Variants in RC3H2 observed in about 807,000 individuals in gnomAD.
The protein encoded by RC3H2 is roquin-2.
Under a neutral mutation model 133.3 loss-of-function variants are expected in RC3H2, and 31 were observed. That is an observed-to-expected ratio of 0.23 (90% CI 0.17 to 0.31). RC3H2 has a LOEUF of 0.31. Among genes scored for constraint, RC3H2 ranks in the 10% least tolerant of loss-of-function variants. RC3H2 has a pLI of 1.00. For synonymous variants in RC3H2, 517 were observed against 502.2 expected, an observed-to-expected ratio of 1.03 and a Z score of -0.40; for missense variants, 1,175 against 1,437.2, an observed-to-expected ratio of 0.82 and a Z score of 2.95.
chr9:122,853,944 T>G lies in RC3H2; in HGVS notation c.3117+8A>C. ...TAAGCATGAAGCCGAAAGGTTCAGT[T>G]TCTTTACCTCTCCATTTCTTAGTTC... On this transcript the variant is annotated splice_region_variant and intron_variant, in intron 18 of 20. Coordinates refer to ENST00000357244, the MANE Select transcript of RC3H2 (RefSeq NM_001100588.3). 1.2e-6 allele frequency: 2 copies of G among 1,614,214 alleles called. No homozygotes were observed. The highest frequency in any genetic ancestry group is 1.7e-6 in the Non-Finnish European group (2 of 1,180,038).
At chr9:122,879,906 G>A in intron 7 of RC3H2, 33 bp from the exon 8 acceptor site, 2 of 1,611,312 alleles carry the variant, frequency 1.2e-6, no homozygotes, top group Non-Finnish European at 1.7e-6. Flanking sequence ...TGGGGGTTGG[G>A]GGGGAAGAAT....
At chr9:122,854,339 T>G (rs1325030502) in intron 16 of RC3H2, 73 bp from the exon 17 acceptor site, 1 of 1,353,158 alleles carries the variant, frequency 7.4e-7, no homozygotes, top group East Asian at 2.3e-5. Context: ...TAACCATATG[T>G]TTTATGTGAC....
intron 3 of RC3H2, among the ~76,000 whole-genome samples, chr9:122,892,030 A>T (rs1832198737): frequency 6.6e-6 from 1 of 152,234 alleles, no homozygotes; most frequent in Non-Finnish European, 1.5e-5. Flanking sequence ...AATAGGACTT[A>T]TCAAAACTAA....
chr9:122,879,684 G>T, intron 8 of RC3H2, 71 bp downstream of exon 8: 1 of 1,022,516 alleles, frequency 9.8e-7, no homozygotes, highest in Non-Finnish European at 1.5e-6. Flanking sequence ...TAACAAAACA[G>T]CTGGTTAAGA....
In RC3H2 at chr9:122,844,854, A is replaced by G. The variant is rs1369362225; in HGVS notation, c.*4773T>C. 6.6e-6 allele frequency: 1 copy of G among 152,186 alleles called. No individual in the cohort carries two copies. The allele number at this position is 152,186 out of a possible 1,614,324, so 9.4% of individuals were successfully genotyped here. A position where few individuals can be genotyped will look rare whatever the true frequency, so the allele number is the denominator to read the frequency against. On this transcript the variant is annotated 3_prime_UTR_variant, in exon 21 of 21. Transcript: ENST00000357244. ...CCTATAGCACAAAGGGAAACATTAC[A>G]ATTTGGAAATTCAAATTGAAATAAA...
At chr9:122,900,768 A>C (rs1832621440) in intron 1 of RC3H2, among the ~76,000 whole-genome samples, 1 of 152,200 alleles carries the variant, frequency 6.6e-6, no homozygotes, top group African/African-American at 2.4e-5. Context: ...CCTACAACTC[A>C]AGATACCTAA....
At chr9:122,852,737 C>T (rs1411210949) in intron 18 of RC3H2, among the ~76,000 whole-genome samples, 2 of 146,688 alleles carry the variant, frequency 1.4e-5, no homozygotes, top group East Asian at 2.1e-4. Context: ...CCCGGCCAGC[C>T]GCCCCGTCCG....
intron 4 of RC3H2, among the ~76,000 whole-genome samples, chr9:122,888,526 G>C (rs977394145): frequency 6.6e-6 from 1 of 152,062 alleles, no homozygotes; most frequent in Non-Finnish European, 1.5e-5. Flanking sequence ...AAATTTAAAT[G>C]AATAAGTGGA....
At chr9:122,867,508 C>T (rs1462603798) in intron 9 of RC3H2, among the ~76,000 whole-genome samples, 2 of 135,380 alleles carry the variant, frequency 1.5e-5, no homozygotes, top group Admixed American at 1.4e-4. Flanking sequence ...ATGTGAGGGG[C>T]GCCTCTGCCC....
chr9:122,888,461 G>A (rs960134037), intron 4 of RC3H2, among the ~76,000 whole-genome samples: 6 of 152,008 alleles, frequency 3.9e-5, no homozygotes, highest in Non-Finnish European at 8.8e-5. Flanking sequence ...TTGATTCCTC[G>A]TTCTTCTACA....
At chr9:122,885,551 C>T (rs900757128) in intron 4 of RC3H2, among the ~76,000 whole-genome samples, 11 of 152,142 alleles carry the variant, frequency 7.2e-5, no homozygotes, top group African/African-American at 2.7e-4. Context: ...ATGGCAAAAA[C>T]CACAATTACT....
chr9:122,880,532 T>C (rs1831573678), intron 6 of RC3H2, 62 bp downstream of exon 6: 3 of 1,290,226 alleles, frequency 2.3e-6, no homozygotes, highest in Admixed American at 3.4e-5. Context: ...CTCTTTAGAA[T>C]ATTCTAATAC....
rs906967156 is a variant in RC3H2 at position 122,848,007 on chromosome 9, G to A, written c.*1620C>T. 1.3e-5 allele frequency: 2 copies of A among 151,996 alleles called. No individual in the cohort carries two copies. The highest frequency in any genetic ancestry group is 2.9e-5 in the Non-Finnish European group (2 of 67,968). 9.4% of individuals were successfully genotyped at this position (151,996 alleles called of 1,614,324 possible). On this transcript the variant is annotated 3_prime_UTR_variant, in exon 21 of 21. Transcript: ENST00000357244. ...CTCATTCTAATCAAGAAATTTCAGG[G>A]AAATGTCAACCCTCCCGCCCCTGGA... is the stretch of plus-strand genomic sequence containing the variant.
Position 122,854,528 on chromosome 9 carries a change from T to C in RC3H2, c.2900+3A>G. 1 of 1,605,944 alleles carries C rather than the reference T, an allele frequency of 6.2e-7. No individual in the cohort carries two copies. On this transcript the variant is annotated splice_donor_region_variant and intron_variant, in intron 16 of 20. Coordinates refer to ENST00000357244, the MANE Select transcript of RC3H2 (RefSeq NM_001100588.3). ...AATCATATAGAATTAAGAAGAACGT[T>C]ACCTTTCAACATAGTGTGCTGATGA... is the stretch of plus-strand genomic sequence containing the variant.
Position 122,871,627 on chromosome 9 carries a change from G to A in RC3H2, c.1325+5844C>T, listed in dbSNP as rs115129036. Reference sequence around the variant, plus strand: ...CGTGAGCCACTGCGCCTGGCCAAATGTTGTATCTTCTAAGAGTCTTTCCTA... The same window carrying A: ...CGTGAGCCACTGCGCCTGGCCAAATATTGTATCTTCTAAGAGTCTTTCCTA... On this transcript the variant is annotated intron_variant, in intron 9 of 20. Transcript: ENST00000357244. 4.4e-3 allele frequency among the ~76,000 whole-genome samples: 667 copies of A among 151,750 alleles called. 6 individuals are homozygous for A. Among genetic ancestry groups the A allele is most frequent in the African/African-American group, 0.015 (630 of 41,366 alleles).
At chr9:122,874,510 T>C (rs1451046854) in intron 9 of RC3H2, 1 of 149,518 alleles carries the variant, frequency 6.7e-6, no homozygotes, top group Non-Finnish European at 1.5e-5. Flanking sequence ...TTTATTATTT[T>C]ATTATTTTTA....
chr9:122,851,048 C>G (rs773492356), intron 20 of RC3H2, 33 bp downstream of exon 20: 2 of 1,611,642 alleles, frequency 1.2e-6, no homozygotes, highest in Non-Finnish European at 1.7e-6. Context: ...TGTCCTATGC[C>G]CACTGTTTAT....
chr9:122,851,024 T>G (rs1829999467), intron 20 of RC3H2, 57 bp downstream of exon 20: 28 of 1,582,660 alleles, frequency 1.8e-5, no homozygotes, highest in Non-Finnish European at 2.1e-5. Context: ...TTTCGCATTT[T>G]TTTCTCTTTA....
intron 1 of RC3H2, 57 bp from the exon 2 acceptor site, chr9:122,897,633 T>C: frequency 8.2e-7 from 1 of 1,215,258 alleles, no homozygotes; most frequent in Non-Finnish European, 1.1e-6. Context: ...CTTTGAAGAG[T>C]TAATTGCTTA....
Sources: gnomAD v4.1 joint callset for allele counts (sites outside exome capture counted in the v4.1 genomes callset) on GRCh38, gnomAD v4.1.1 for gene constraint, MANE v1.5 for transcripts, NCBI Gene and HGNC (gene_info 2026-07-23, HGNC 2026-07-21) for gene names.